LRGUK: variants seen among roughly 807,000 people sequenced by gnomAD.
LRGUK encodes leucine-rich repeat and guanylate kinase domain-containing protein.
Under a neutral mutation model 76.0 loss-of-function variants are expected in LRGUK, and 65 were observed. The observed-to-expected ratio is 0.85, with a 90% CI of 0.70 to 1.05. The LOEUF (loss-of-function observed/expected upper bound fraction) is 1.05, where lower values mean the gene tolerates loss of function less well. Ranked by LOEUF, LRGUK falls within the 50% of genes least tolerant of loss-of-function variation. The probability of loss-of-function intolerance (pLI) is 0.00; values close to 1 mark genes in which losing one functional copy is unlikely to be tolerated. For synonymous variants in LRGUK, 268 were observed against 265.6 expected (o/e 1.01, Z -0.09); for missense variants, 758 against 732.8 (o/e 1.03, Z -0.40).
intron 15 of LRGUK, among the ~76,000 whole-genome samples, chr7:134,208,011 C>T (rs1563183284): frequency 6.6e-6 from 1 of 152,152 alleles, no homozygotes; most frequent in Non-Finnish European, 1.5e-5. Context: ...TTGCTAGTGG[C>T]CTCTGAGAGC....
intron 11 of LRGUK, among the ~76,000 whole-genome samples, chr7:134,190,967 T>G (rs1034307739): frequency 3.9e-4 from 15 of 38,428 alleles, no homozygotes; most frequent in African/African-American, 1.2e-3. Flanking sequence ...GGGGAGGCTA[T>G]TTCAGACAGT....
intron 5 of LRGUK, among the ~76,000 whole-genome samples, chr7:134,155,514 T>C (rs2116899277): frequency 6.6e-6 from 1 of 152,306 alleles, no homozygotes; most frequent in South Asian, 2.1e-4. Flanking sequence ...TTCTGGTACA[T>C]TTTACATTTT....
chr7:134,184,965 G>C (rs1256133374), intron 11 of LRGUK, among the ~76,000 whole-genome samples: 1 of 152,226 alleles, frequency 6.6e-6, no homozygotes, highest in Non-Finnish European at 1.5e-5. Flanking sequence ...AGCCTCTCCT[G>C]TCTGAGCCTG....
At chr7:134,137,765 A>G (rs1310491071) in intron 2 of LRGUK, among the ~76,000 whole-genome samples, 4 of 152,184 alleles carry the variant, frequency 2.6e-5, no homozygotes, top group Non-Finnish European at 5.9e-5. Flanking sequence ...CTGTAGTCCT[A>G]GAAAAACAAT....
At chr7:134,248,858 G>T in intron 17 of LRGUK, 93 bp from the exon 18 acceptor site, 1 of 1,034,450 alleles carries the variant, frequency 9.7e-7, no homozygotes, top group Admixed American at 4.1e-5. Flanking sequence ...TGGCATTTGC[G>T]TTTATCTGGG....
intron 16 of LRGUK, among the ~76,000 whole-genome samples, chr7:134,246,585 A>G (rs116035371): frequency 4.0e-4 from 61 of 152,326 alleles, no homozygotes; most frequent in African/African-American, 1.4e-3. Flanking sequence ...TTTCCCTTGC[A>G]TGCTTGTTTG....
At chr7:134,158,656 T>A (rs1293439920) in intron 6 of LRGUK, among the ~76,000 whole-genome samples, 1 of 152,176 alleles carries the variant, frequency 6.6e-6, no homozygotes, top group Non-Finnish European at 1.5e-5. Flanking sequence ...TCAAAAATAG[T>A]GCTAAGAATA....
At chr7:134,181,456 T>C (rs1324379938) in intron 10 of LRGUK, among the ~76,000 whole-genome samples, 5 of 152,038 alleles carry the variant, frequency 3.3e-5, no homozygotes, top group Non-Finnish European at 7.4e-5. Flanking sequence ...TTTACTAGAC[T>C]ATGTCCTGGT....
At chr7:134,189,351 T>G (rs1800102620) in intron 11 of LRGUK, among the ~76,000 whole-genome samples, 1 of 152,230 alleles carries the variant, frequency 6.6e-6, no homozygotes, top group South Asian at 2.1e-4. Flanking sequence ...TAGTGAAATG[T>G]TGCCTTCACT....
chr7:134,193,137 C>T (rs868177563), intron 12 of LRGUK, among the ~76,000 whole-genome samples: 2 of 152,020 alleles, frequency 1.3e-5, no homozygotes, highest in Non-Finnish European at 2.9e-5. Context: ...CCTATGATCC[C>T]TAGGCAATTT....
At chr7:134,264,864 A>G (rs1802827696), downstream of LRGUK, among the ~76,000 whole-genome samples, 1 of 152,208 alleles carries the variant, frequency 6.6e-6, no homozygotes, top group Non-Finnish European at 1.5e-5. Context: ...TCCACATAGT[A>G]CTATACTCAT....
At chr7:134,220,855 C>G (rs1210290248) in intron 15 of LRGUK, among the ~76,000 whole-genome samples, 4 of 152,084 alleles carry the variant, frequency 2.6e-5, no homozygotes, top group African/African-American at 9.7e-5. Flanking sequence ...CAGATGTGAG[C>G]CATTGCACCT....
At chr7:134,133,697 T>C (rs1409142219) in intron 1 of LRGUK, among the ~76,000 whole-genome samples, 1 of 147,650 alleles carries the variant, frequency 6.8e-6, no homozygotes, top group Non-Finnish European at 1.5e-5. Context: ...TTGATTCTGA[T>C]TTGTATATGG....
At chr7:134,199,497 A>AT in intron 14 of LRGUK, 76 bp downstream of exon 14, 3 of 1,315,826 alleles carry the variant, frequency 2.3e-6, no homozygotes, top group Non-Finnish European at 3.2e-6. Flanking sequence ...TGGGGATAAA[A>AT]TTCTTGGGTA....
At chr7:134,179,423 A>G (rs1327257991) in intron 10 of LRGUK, among the ~76,000 whole-genome samples, 11 of 152,212 alleles carry the variant, frequency 7.2e-5, no homozygotes, top group Non-Finnish European at 1.6e-4. Flanking sequence ...TGTACTTCAC[A>G]TGGCTGGTTT....
intron 18 of LRGUK, among the ~76,000 whole-genome samples, chr7:134,254,663 A>C (rs1033749363): frequency 3.9e-5 from 6 of 152,212 alleles, no homozygotes; most frequent in Non-Finnish European, 5.9e-5. Flanking sequence ...GAGAATTTCA[A>C]CATAGGAATT....
chr7:134,204,799 G>A (rs1800932659), intron 15 of LRGUK, among the ~76,000 whole-genome samples: 1 of 152,112 alleles, frequency 6.6e-6, no homozygotes, highest in South Asian at 2.1e-4. Context: ...TGAGTCTCAG[G>A]GCTGTGAAGA....
At chr7:134,174,475 C>CG (rs1168370952) in intron 7 of LRGUK, 81 bp from the exon 8 acceptor site, 1 of 841,052 alleles carries the variant, frequency 1.2e-6, no homozygotes, top group Non-Finnish European at 2.0e-6. Context: ...TTAAAGGACC[C>CG]AAACTGGCTT....
At chr7:134,160,218 G>C (rs577234945) in intron 6 of LRGUK, among the ~76,000 whole-genome samples, 1 of 152,130 alleles carries the variant, frequency 6.6e-6, no homozygotes, top group Non-Finnish European at 1.5e-5. Flanking sequence ...ATTATAATAC[G>C]TAGCATTTTC....
Sources: allele counts gnomAD v4.1 joint callset (sites outside exome capture counted in the v4.1 genomes callset), GRCh38; gene constraint gnomAD v4.1.1; transcripts MANE v1.5; gene names NCBI Gene and HGNC (gene_info 2026-07-23, HGNC 2026-07-21).